Variants in ANKS1B observed in about 807,000 individuals in gnomAD.
ANKS1B encodes the protein ankyrin repeat and sterile alpha motif domain-containing protein 1B.
A neutral mutation model predicts 148.3 loss-of-function variants in ANKS1B; 36 were observed. That is an observed-to-expected ratio of 0.24 (90% CI 0.19 to 0.32). The LOEUF (loss-of-function observed/expected upper bound fraction) is 0.32. Ranked by LOEUF, ANKS1B falls within the 10% of genes least tolerant of loss-of-function variation. The probability of loss-of-function intolerance (pLI) is 1.00; values close to 1 mark genes in which losing one functional copy is unlikely to be tolerated. For synonymous variants in ANKS1B, 542 were observed against 560.8 expected, an observed-to-expected ratio of 0.97 and a Z score of 0.47; for missense variants, 1,157 against 1,542.6, an observed-to-expected ratio of 0.75 and a Z score of 4.19.
intron 9 of ANKS1B, among the ~76,000 whole-genome samples, chr12:99,508,368 A>G (rs1195379594): frequency 6.6e-6 from 1 of 151,878 alleles, no homozygotes; most frequent in East Asian, 1.9e-4. Context: ...CGAGAAAAAT[A>G]AATGAAATCA....
chr12:98,979,677 T>G (rs1233237602), intron 17 of ANKS1B, among the ~76,000 whole-genome samples: 2 of 151,888 alleles, frequency 1.3e-5, no homozygotes, highest in Non-Finnish European at 2.9e-5. Context: ...ATTTTTTTTT[T>G]TTAGCAATTT....
intron 8 of ANKS1B, among the ~76,000 whole-genome samples, chr12:99,674,402 A>C (rs2098552387): frequency 2.6e-5 from 4 of 151,848 alleles, no homozygotes; most frequent in Admixed American, 2.6e-4. Flanking sequence ...CCTGCAAGGA[A>C]AGATGGCAAT....
intron 20 of ANKS1B, among the ~76,000 whole-genome samples, chr12:98,803,413 C>T (rs753687797): frequency 3.3e-5 from 5 of 152,120 alleles, no homozygotes; most frequent in African/African-American, 7.2e-5. Flanking sequence ...AACAACAACA[C>T]GGCAAACAGG....
At chr12:99,344,441 C>T (rs1404440709) in intron 12 of ANKS1B, among the ~76,000 whole-genome samples, 1 of 151,944 alleles carries the variant, frequency 6.6e-6, no homozygotes, top group African/African-American at 2.4e-5. Flanking sequence ...ATGTAAATTA[C>T]AGGAATTCTA....
chr12:99,839,806 G>T (rs1478908512), intron 1 of ANKS1B, among the ~76,000 whole-genome samples: 1 of 152,048 alleles, frequency 6.6e-6, no homozygotes, highest in African/African-American at 2.4e-5. Context: ...TCAAACCACA[G>T]CATGCCTTTA....
intron 1 of ANKS1B, among the ~76,000 whole-genome samples, chr12:99,910,354 C>CA (rs57222450): frequency 0.12 from 5,935 of 50,892 alleles, 773 homozygotes; most frequent in African/African-American, 0.25. Context: ...GACTCCATCT[C>CA]AAAAAAAAAA....
At chr12:98,745,952 C>A (rs2097876507) in intron 26 of ANKS1B, 103 bp from the exon 27 acceptor site, 2 of 1,272,408 alleles carry the variant, frequency 1.6e-6, no homozygotes, top group South Asian at 1.6e-5. Flanking sequence ...TCGCCCCAGG[C>A]GCGGGGCGGC....
intron 17 of ANKS1B, among the ~76,000 whole-genome samples, chr12:98,913,660 C>T (rs2099789874): frequency 1.3e-5 from 2 of 152,156 alleles, no homozygotes; most frequent in South Asian, 4.1e-4. Context: ...TGGAGTCTTG[C>T]TCTGTTGCCC....
chr12:99,444,237 A>C (rs1404957822), intron 10 of ANKS1B, among the ~76,000 whole-genome samples: 1 of 151,996 alleles, frequency 6.6e-6, no homozygotes, highest in Non-Finnish European at 1.5e-5. Context: ...TCCCTGATGC[A>C]TAAAATCCAA....
intron 11 of ANKS1B, among the ~76,000 whole-genome samples, chr12:99,425,332 ATCTT>A (rs1478862596): frequency 6.6e-6 from 1 of 151,948 alleles, no homozygotes; most frequent in Non-Finnish European, 1.5e-5. Flanking sequence ...TTAATATTCT[ATCTT>A]CCATTCAAAC....
chr12:99,854,950 A>G (rs1173614011), intron 1 of ANKS1B, among the ~76,000 whole-genome samples: 2 of 152,180 alleles, frequency 1.3e-5, no homozygotes, highest in Non-Finnish European at 2.9e-5. Context: ...ATCTCCTTAA[A>G]GCATAAATCT....
At chr12:99,226,974 G>T (rs2086047821) in intron 14 of ANKS1B, among the ~76,000 whole-genome samples, 1 of 152,184 alleles carries the variant, frequency 6.6e-6, no homozygotes, top group Non-Finnish European at 1.5e-5. Flanking sequence ...TCATGATGGG[G>T]ATGATATAAC....
chr12:98,818,983 A>G (rs978011538), intron 19 of ANKS1B, among the ~76,000 whole-genome samples: 8 of 152,258 alleles, frequency 5.3e-5, no homozygotes, highest in Admixed American at 5.2e-4. Context: ...TCTCTAGTAG[A>G]AAGCTCACAG....
At chr12:99,241,635 T>C (rs532252830) in intron 14 of ANKS1B, among the ~76,000 whole-genome samples, 1 of 152,314 alleles carries the variant, frequency 6.6e-6, no homozygotes, top group East Asian at 1.9e-4. Context: ...TGAACATTGA[T>C]GTGAAAATCC....
intron 11 of ANKS1B, among the ~76,000 whole-genome samples, chr12:99,418,484 C>T (rs534381807): frequency 6.6e-6 from 1 of 152,060 alleles, no homozygotes; most frequent in Non-Finnish European, 1.5e-5. Context: ...CATCCCGTGA[C>T]CTTGTTGAGC....
intron 17 of ANKS1B, among the ~76,000 whole-genome samples, chr12:99,022,995 C>A (rs1323132019): frequency 6.6e-6 from 1 of 151,964 alleles, no homozygotes; most frequent in African/African-American, 2.4e-5. Flanking sequence ...TATTTTTTGG[C>A]CTTTAATCTG....
chr12:99,188,575 C>A (rs2080204062), intron 14 of ANKS1B, among the ~76,000 whole-genome samples: 1 of 152,168 alleles, frequency 6.6e-6, no homozygotes, highest in Non-Finnish European at 1.5e-5. Flanking sequence ...GGAAACTGAA[C>A]AACCTGCTCC....
At chr12:99,733,789 C>CACT (rs2059381230) in intron 8 of ANKS1B, among the ~76,000 whole-genome samples, 1 of 152,150 alleles carries the variant, frequency 6.6e-6, no homozygotes, top group Non-Finnish European at 1.5e-5. Flanking sequence ...TAATGGTTAA[C>CACT]ACTCTTCAAT....
intron 17 of ANKS1B, among the ~76,000 whole-genome samples, chr12:99,047,183 T>G (rs2099963049): frequency 6.6e-6 from 1 of 152,078 alleles, no homozygotes; most frequent in Non-Finnish European, 1.5e-5. Context: ...GTGGATCACT[T>G]GAGGTCAGGA....
Sources: gnomAD v4.1 joint callset for allele counts (sites outside exome capture counted in the v4.1 genomes callset) on GRCh38, gnomAD v4.1.1 for gene constraint, MANE v1.5 for transcripts, NCBI Gene and HGNC (gene_info 2026-07-23, HGNC 2026-07-21) for gene names.